Variants in SACS observed in about 807,000 individuals in gnomAD.
SACS encodes the protein sacsin.
SACS carries 197 observed loss-of-function variants against 348.0 expected under a neutral mutation model. The ratio of observed to expected loss-of-function variants is 0.57; its 90% CI spans 0.50 to 0.64. The LOEUF (loss-of-function observed/expected upper bound fraction) is 0.64, where lower values mean the gene tolerates loss of function less well. Ranked by LOEUF, SACS falls within the 30% of genes least tolerant of loss-of-function variation. SACS has a pLI of 0.00. For synonymous variants in SACS, 1,985 were observed against 1,910.6 expected (o/e 1.04, Z -1.02); for missense variants, 4,999 against 5,360.8 (o/e 0.93, Z 2.11).
At chr13:23,343,660 G>A (rs1869417606) in intron 9 of SACS, among the ~76,000 whole-genome samples, 1 of 152,160 alleles carries the variant, frequency 6.6e-6, no homozygotes, top group African/African-American at 2.4e-5. Flanking sequence ...CTCCAGCCTG[G>A]GCGACAGAGC....
In SACS at chr13:23,343,069, AC is replaced by A. The variant is rs1373467230; in HGVS notation, c.2186-1380del. 8.5e-5 allele frequency among the ~76,000 whole-genome samples: 13 copies of A among 152,210 alleles called. 1 individual carries two copies. On this transcript the variant is annotated intron_variant, in intron 9 of 9. Coordinates refer to ENST00000382292, the MANE Select transcript of SACS (RefSeq NM_014363.6). ...ATACTTTGGAGGCAACAAAGGGAGC[AC>A]GTGGGGCAGTGCTGTGAAGGCAGCA...
chr13:23,336,644 C>A lies in SACS; in HGVS notation c.7232G>T (p.Arg2411Ile). 1 of 1,613,798 alleles carries A rather than the reference C, an allele frequency of 6.2e-7. No individual in the cohort carries two copies. Among genetic ancestry groups the A allele is most frequent in the Non-Finnish European group, 8.5e-7 (1 of 1,179,872 alleles). Residue 2411 changes from arginine to isoleucine, a missense_variant, in exon 10 of 10, where the codon AGA becomes ATA. Arg to Ile is a moderately conservative substitution (Grantham distance 97, BLOSUM62 -3). Transcript: ENST00000382292. The stretch of plus-strand genomic sequence containing the variant: ...CTCTTCTGTTATTTGCTTTGTTCCT[C>A]TTTCTTGATCAATAGATTCCAAAAC... ...ALVLESIDQE[R>I]GTKQITEENF...
chr13:23,430,753 C>T (rs1381444618), intron 1 of SACS, among the ~76,000 whole-genome samples: 1 of 152,188 alleles, frequency 6.6e-6, no homozygotes, highest in Admixed American at 6.5e-5. Flanking sequence ...CTGTAGAGCC[C>T]TTATTTTCTG....
At chr13:23,376,853 A>C (rs1355709192) in intron 2 of SACS, among the ~76,000 whole-genome samples, 2 of 152,226 alleles carry the variant, frequency 1.3e-5, no homozygotes, top group African/African-American at 2.4e-5. Context: ...GGAGTTCGAG[A>C]CCAGCCTGGC....
chr13:23,401,310 G>A (rs1872969578), intron 2 of SACS, among the ~76,000 whole-genome samples: 1 of 152,134 alleles, frequency 6.6e-6, no homozygotes, highest in South Asian at 2.1e-4. Context: ...TGCCTCCTTT[G>A]GAAAGACTAA....
At position 23,334,360 on chromosome 13, in the gene SACS, C is replaced by T. The variant is rs1409643298; in HGVS notation, c.9516G>A (p.Lys3172=). 5 of 1,612,414 alleles carry T rather than the reference C, an allele frequency of 3.1e-6. No individual in the cohort carries two copies. In the African/African-American group the frequency reaches 6.7e-5, roughly 22 times the overall value. Residue 3172 remains lysine (K), a synonymous_variant, in exon 10 of 10, where the codon AAG becomes AAA. Transcript: ENST00000382292. ...VLQTFDAKRP[K]FLTTYHELIP... is the part of the protein sequence containing the mutation. ...TCAATTCATGATATGTTGTTAGAAA[C>T]TTGGGTCGTTTTGCATCAAAAGTTT... is the stretch of plus-strand genomic sequence containing the variant.
In SACS at chr13:23,339,037, T is replaced by C. The variant is rs1450484419; in HGVS notation, c.4839A>G (p.Lys1613=). The C allele has an allele frequency of 3.7e-6, 6 of 1,613,454 alleles. No homozygotes were observed. In the South Asian group the frequency reaches 4.4e-5, roughly 12 times the overall value. ...TAAATGGTTTGAACTGATTAGGAAA[T>C]TTTCTAAGTCTTTTCTGTTGTTTAC... ...NWSKQQKRLR[K]FPNQFKPFID... The change falls in exon 10 of 10, where the codon AAA becomes AAG. Residue 1613 remains lysine (K), a synonymous_variant. Coordinates refer to ENST00000382292, the MANE Select transcript of SACS (RefSeq NM_014363.6).
intron 1 of SACS, chr13:23,418,898 G>A (rs953697035): frequency 1.3e-5 from 2 of 152,310 alleles, no homozygotes; most frequent in Admixed American, 1.3e-4. Context: ...TAGGAGAGTA[G>A]GTGGGGAGTT....
In SACS at chr13:23,408,505, G is replaced by A. The variant is rs183527160; in HGVS notation, c.20+2715C>T. Among the ~76,000 whole-genome samples, 888 of 152,266 alleles carry A rather than the reference G, an allele frequency of 5.8e-3. 8 individuals are homozygous for A. The highest frequency in any genetic ancestry group is 6.6e-3 in the Non-Finnish European group (452 of 68,016). ...TCATTGTGTACATCACGTTCTACAT[G>A]CCTTATTAGATAGATAATTTAACTG... On this transcript the variant is annotated intron_variant, in intron 2 of 9. Transcript: ENST00000382292.
intron 9 of SACS, among the ~76,000 whole-genome samples, chr13:23,352,390 A>G (rs1164747382): frequency 6.6e-6 from 1 of 152,208 alleles, no homozygotes; most frequent in Non-Finnish European, 1.5e-5. Context: ...TTAACTAGCA[A>G]AGTGAATCTA....
chr13:23,433,269 C>CA (rs939043481), intron 1 of SACS, among the ~76,000 whole-genome samples: 31 of 152,152 alleles, frequency 2.0e-4, no homozygotes, highest in African/African-American at 6.8e-4. Context: ...ATTAAAATGA[C>CA]AAAGCGGCTA....
intron 1 of SACS, among the ~76,000 whole-genome samples, chr13:23,412,197 T>C (rs1873514997): frequency 6.6e-6 from 1 of 151,978 alleles, no homozygotes; most frequent in Non-Finnish European, 1.5e-5. Context: ...AGGTGGAGCT[T>C]GCAGTGAGCC....
chr13:23,400,742 G>A (rs113940716), intron 2 of SACS, among the ~76,000 whole-genome samples: 8,164 of 152,246 alleles, frequency 0.054, 336 homozygotes, highest in Admixed American at 0.11. Context: ...TAAATAGGTA[G>A]CTAAGCATTG....
rs4068499 is a variant in SACS at position 23,341,780 on chromosome 13, C to CTTTTTT, written c.2186-96_2186-91dup. On this transcript the variant is annotated intron_variant, in intron 9 of 9. Transcript: ENST00000382292. ...ACAAATAACACAGTACTGGAAGGTT[C>CTTTTTT]TTTTTTTTTTTTTTTTTTTTTTTTT... 33 of 298,998 alleles carry CTTTTTT rather than the reference C, an allele frequency of 1.1e-4. 1 individual carries two copies. Among genetic ancestry groups the CTTTTTT allele is most frequent in the African/African-American group, 7.5e-4 (18 of 23,962 alleles). 18.5% of individuals were successfully genotyped at this position (298,998 alleles called of 1,614,324 possible).
At chr13:23,381,934 C>T (rs754705036) in intron 2 of SACS, among the ~76,000 whole-genome samples, 1 of 152,160 alleles carries the variant, frequency 6.6e-6, no homozygotes, top group Non-Finnish European at 1.5e-5. Flanking sequence ...CACAAAATTA[C>T]AGATTTTTGC....
intron 2 of SACS, among the ~76,000 whole-genome samples, chr13:23,402,244 C>T (rs1389093276): frequency 6.6e-6 from 1 of 150,620 alleles, no homozygotes; most frequent in African/African-American, 2.4e-5. Context: ...AAATTGCTAA[C>T]CTTAGATCAA....
In SACS at chr13:23,334,307, T is replaced by A. The variant is rs767575398; in HGVS notation, c.9569A>T (p.Asn3190Ile). The change falls in exon 10 of 10, where the codon AAT becomes ATT. Residue 3190 changes from asparagine (N) to isoleucine (I), a missense_variant. By Grantham distance (149) the Asn-to-Ile change is moderately radical. Around this residue, in one of 6 missense-constraint regions of SACS, gnomAD observed 734 missense variants for 694.0 expected, o/e 1.06. Transcript: ENST00000382292. Reference protein sequence around the residue: ...LIPSRKDLFMNTLYLKYSNIL... With the variant: ...LIPSRKDLFMITLYLKYSNIL... ...ATTACTATATTTCAAATATAATGTA[T>A]TCATAAACAAGTCTTTGCGGGATGG... 6.2e-7 allele frequency: 1 copy of A among 1,607,554 alleles called. No homozygotes were observed. The highest frequency in any genetic ancestry group is 8.5e-7 in the Non-Finnish European group (1 of 1,176,382).
At position 23,335,947 on chromosome 13, in the gene SACS, G is replaced by A; in HGVS notation, c.7929C>T (p.Asp2643=). The A allele has an allele frequency of 6.2e-7, 1 of 1,612,576 alleles. No individual in the cohort carries two copies. ...CATGAGGATCAAAAATACACAGGAT[G>A]TCATTGCCAGAAATAAAAGATGGGC... is the stretch of plus-strand genomic sequence containing the variant. The part of the protein sequence containing the change: ...TDCPSFISGN[D]ILCIFDPHAR... The change falls in exon 10 of 10, where the codon GAC becomes GAT. Residue 2643 remains aspartate (D), a synonymous_variant. Coordinates refer to ENST00000382292, the MANE Select transcript of SACS (RefSeq NM_014363.6). The surrounding 1 kb of genome is among the most constrained non-coding windows in gnomAD (Gnocchi z 4.7).
In SACS at chr13:23,331,661, G is replaced by A. The variant is rs1883486342; in HGVS notation, c.12215C>T (p.Thr4072Ile). ...FNPIPHSRSE[T>I]FAFLKRFGNA... ...ACCAAATCGCTTCAAAAAAGCAAAAGTTTCACTTCTGCTGTGGGGAATAGG... is the reference window on the plus strand; with the variant it reads ...ACCAAATCGCTTCAAAAAAGCAAAAATTTCACTTCTGCTGTGGGGAATAGG... Residue 4072 changes from threonine (T) to isoleucine (I), a missense_variant, in exon 10 of 10, where the codon ACT becomes ATT. Thr to Ile is a moderately conservative substitution (Grantham distance 89, BLOSUM62 -1). This residue lies in a region of SACS where 831 missense variants were observed against 941.8 expected (regional missense o/e 0.88). Coordinates refer to ENST00000382292, the MANE Select transcript of SACS (RefSeq NM_014363.6). 6.2e-7 allele frequency: 1 copy of A among 1,613,922 alleles called. No homozygotes were observed.
Sources: allele counts gnomAD v4.1 joint callset (sites outside exome capture counted in the v4.1 genomes callset), GRCh38; gene constraint gnomAD v4.1.1; regional missense constraint gnomAD v4.1.1; non-coding constraint Gnocchi (gnomAD v3.1); transcripts MANE v1.5; gene names NCBI Gene and HGNC (gene_info 2026-07-23, HGNC 2026-07-21).